LINGO1: variants seen among roughly 807,000 people sequenced by gnomAD.
LINGO1 encodes the protein leucine rich repeat and Ig domain containing 1, also known as leucine-rich repeat and immunoglobulin-like domain-containing nogo receptor-interacting protein 1.
A neutral mutation model predicts 37.3 loss-of-function variants in LINGO1; 11 were observed. The ratio of observed to expected loss-of-function variants is 0.29; its 90% CI spans 0.19 to 0.49. The LOEUF (loss-of-function observed/expected upper bound fraction) is 0.49. LINGO1 is among the 20% of genes least tolerant of loss of function. LINGO1 has a pLI of 0.99. For missense variants in LINGO1, 585 were observed against 878.2 expected (o/e 0.67, Z 4.22); for synonymous variants, 387 against 403.0 (o/e 0.96, Z 0.48).
intron 2 of LINGO1, among the ~76,000 whole-genome samples, chr15:77,710,142 G>C (rs2075900899): frequency 6.6e-6 from 1 of 152,236 alleles, no homozygotes; most frequent in African/African-American, 2.4e-5. Context: ...CCCCAGGGGG[G>C]CAGGGGCTGC....
intron 1 of LINGO1, among the ~76,000 whole-genome samples, chr15:77,735,803 G>C (rs903390406): frequency 1.3e-5 from 2 of 152,188 alleles, no homozygotes; most frequent in African/African-American, 2.4e-5. Context: ...AGCCTGGAAA[G>C]TACAAAGCCC....
At chr15:77,653,788 G>A (rs1318162492) in intron 3 of LINGO1, among the ~76,000 whole-genome samples, 2 of 151,160 alleles carry the variant, frequency 1.3e-5, no homozygotes, top group East Asian at 1.9e-4. Flanking sequence ...GCTCGGAAAG[G>A]AAGAGGGGTT....
chr15:77,749,763 T>C (rs1032648495), intron 1 of LINGO1, among the ~76,000 whole-genome samples: 1 of 152,232 alleles, frequency 6.6e-6, no homozygotes, highest in Admixed American at 6.5e-5. Flanking sequence ...AAGTCAGTTA[T>C]TGGCCATAGA....
chr15:77,818,901 T>G (rs1596258557), intron 1 of LINGO1, among the ~76,000 whole-genome samples: 1 of 142,786 alleles, frequency 7.0e-6, no homozygotes, highest in Non-Finnish European at 1.5e-5. Context: ...CCCGCCCCAC[T>G]CCCCTCGCGT....
chr15:77,752,413 G>A (rs772781893), intron 1 of LINGO1, among the ~76,000 whole-genome samples: 6 of 152,176 alleles, frequency 3.9e-5, no homozygotes, highest in Non-Finnish European at 7.3e-5. Flanking sequence ...CATGGTGTCC[G>A]GCAAACCCAC....
intron 1 of LINGO1, among the ~76,000 whole-genome samples, chr15:77,620,658 G>A (rs765719836): frequency 1.3e-5 from 2 of 152,238 alleles, no homozygotes; most frequent in Admixed American, 6.5e-5. Context: ...CTGGAAGGTC[G>A]ACATCCTCAA....
Position 77,691,262 on chromosome 15 carries a change from C to T in LINGO1, c.-280-361G>A, listed in dbSNP as rs368603891. ...ACAGCTGTGGATCAACCCTTGCCTG[C>T]CTCCTGGCCACAGTACATGGGAAAA... On this transcript the variant is annotated intron_variant, in intron 1 of 3. Transcript: ENST00000559893. Among the ~76,000 whole-genome samples the T allele has an allele frequency of 3.3e-5, 5 of 152,348 alleles. No individual in the cohort carries two copies. In the East Asian group the frequency reaches 9.6e-4, roughly 29 times the overall value.
chr15:77,623,850 G>C lies in LINGO1; in HGVS notation c.7-7950C>G, dbSNP rs540791317. On this transcript the variant is annotated intron_variant, in intron 1 of 1. Coordinates refer to ENST00000355300, the MANE Select transcript of LINGO1 (RefSeq NM_032808.7). The stretch of plus-strand genomic sequence containing the variant: ...GGTGTCTGTGTGTGTGTGTGTGAGT[G>C]GCCTGTGTGTGTGTGTGTGTGTGTG... 3.4e-5 allele frequency among the ~76,000 whole-genome samples: 5 copies of C among 148,244 alleles called. No individual in the cohort carries two copies. In the South Asian group the frequency reaches 1.1e-3, roughly 31 times the overall value.
upstream of LINGO1, chr15:77,820,422 C>G (rs897065814): frequency 6.6e-6 from 1 of 152,314 alleles, no homozygotes; most frequent in African/African-American, 2.4e-5. Context: ...ACGGTCAGAC[C>G]ACGCCATCCA....
At chr15:77,789,138 G>C (rs926292575), upstream of LINGO1, among the ~76,000 whole-genome samples, 1 of 152,190 alleles carries the variant, frequency 6.6e-6, no homozygotes, top group Non-Finnish European at 1.5e-5. Context: ...GTCGCCTGCT[G>C]TTAGGGATTG....
At position 77,649,776 on chromosome 15, in the gene LINGO1, C is replaced by A. The variant is rs79969060; in HGVS notation, c.-13+27313G>T. On this transcript the variant is annotated intron_variant, in intron 3 of 3. Transcript: ENST00000559893. ...AGGCTGGACTCCCACAGCCTGCCCC[C>A]CCGAGTGCAGCAGCCCCCAACACTG... Among the ~76,000 whole-genome samples the A allele has an allele frequency of 1.4e-3, 206 of 152,158 alleles. 1 individual carries two copies. Among genetic ancestry groups the A allele is most frequent in the Non-Finnish European group, 8.5e-4 (58 of 67,990 alleles).
intron 3 of LINGO1, among the ~76,000 whole-genome samples, chr15:77,655,879 C>T (rs2074854148): frequency 6.6e-6 from 1 of 152,232 alleles, no homozygotes; most frequent in African/African-American, 2.4e-5. Flanking sequence ...CCATTGCTTG[C>T]CTCTGTGTAG....
At chr15:77,808,233 G>C (rs189751975) in intron 1 of LINGO1, among the ~76,000 whole-genome samples, 2 of 152,136 alleles carry the variant, frequency 1.3e-5, no homozygotes, top group East Asian at 1.9e-4. Context: ...TGCACAGCCC[G>C]GGCCCCTCTC....
At chr15:77,740,460 C>T (rs2076251693) in intron 1 of LINGO1, among the ~76,000 whole-genome samples, 1 of 152,196 alleles carries the variant, frequency 6.6e-6, no homozygotes, top group African/African-American at 2.4e-5. Context: ...GCCTCAGTGG[C>T]TCCACGCCTG....
upstream of LINGO1, among the ~76,000 whole-genome samples, chr15:77,787,503 G>C (rs1040942091): frequency 2.6e-5 from 4 of 151,828 alleles, no homozygotes; most frequent in Non-Finnish European, 4.4e-5. Context: ...AGGACACAGG[G>C]GTCCCGGTGG....
chr15:77,706,976 T>G (rs1417863115), intron 2 of LINGO1, among the ~76,000 whole-genome samples: 1 of 152,234 alleles, frequency 6.6e-6, no homozygotes, highest in Non-Finnish European at 1.5e-5. Flanking sequence ...GCAATGCCCA[T>G]GGCTGTGGCT....
chr15:77,781,695 T>A (rs2076718831), intron 1 of LINGO1, among the ~76,000 whole-genome samples: 1 of 152,208 alleles, frequency 6.6e-6, no homozygotes, highest in South Asian at 2.1e-4. Context: ...ATCAGCCCCA[T>A]GTTTGCCAGG....
chr15:77,663,686 G>A (rs575657371), intron 3 of LINGO1, among the ~76,000 whole-genome samples: 3 of 152,278 alleles, frequency 2.0e-5, no homozygotes, highest in South Asian at 2.1e-4. Context: ...TGTTCTCTGC[G>A]TGGGGGTGCG....
At chr15:77,664,856 C>T (rs182027959) in intron 3 of LINGO1, among the ~76,000 whole-genome samples, 26 of 152,270 alleles carry the variant, frequency 1.7e-4, no homozygotes, top group African/African-American at 5.8e-4. Flanking sequence ...GGCTGCTGGC[C>T]GTGGCAGGGG....
Sources: allele counts gnomAD v4.1 joint callset (sites outside exome capture counted in the v4.1 genomes callset), GRCh38; gene constraint gnomAD v4.1.1; transcripts MANE v1.5; gene names NCBI Gene and HGNC (gene_info 2026-07-23, HGNC 2026-07-21).